Variants in ADK observed in about 807,000 individuals in gnomAD.
The protein encoded by ADK is N6,N6-dimethyladenosine kinase.
ADK carries 24 observed loss-of-function variants against 44.7 expected under a neutral mutation model. The ratio of observed to expected loss-of-function variants is 0.54; its 90% CI spans 0.39 to 0.76. ADK has a LOEUF of 0.76. Among genes scored for constraint, ADK ranks in the 30% least tolerant of loss-of-function variants. The pLI, the probability that ADK is intolerant of heterozygous loss-of-function variation, is 0.00. For synonymous variants in ADK, 128 were observed against 142.6 expected, an observed-to-expected ratio of 0.90 and a Z score of 0.73; for missense variants, 321 against 425.1, an observed-to-expected ratio of 0.76 and a Z score of 2.15.
At chr10:74,370,696 T>G (rs1159294638) in intron 4 of ADK, among the ~76,000 whole-genome samples, 1 of 151,962 alleles carries the variant, frequency 6.6e-6, no homozygotes, top group Admixed American at 6.6e-5. Context: ...TTAAAATATT[T>G]TATTATAAAT....
At position 74,619,454 on chromosome 10, in the gene ADK, C is replaced by CA. The variant is rs778661291; in HGVS notation, c.877+18975dup. On this transcript the variant is annotated intron_variant, in intron 9 of 10. Coordinates refer to ENST00000539909, the MANE Select transcript of ADK (RefSeq NM_006721.4). ...TGGGAGACAGAGCAAGTCTCTGTCT[C>CA]AAAAAAAAAAAAAATCTAGTGGATG... Among the ~76,000 whole-genome samples the CA allele has an allele frequency of 5.8e-3, 748 of 129,358 alleles. 17 individuals are homozygous for CA. Among genetic ancestry groups the CA allele is most frequent in the East Asian group, 0.036 (165 of 4,524 alleles). The allele number at this position is 129,358 out of a possible 152,430, so 84.9% of individuals were successfully genotyped here.
At chr10:74,261,789 C>G (rs1846045550) in intron 3 of ADK, among the ~76,000 whole-genome samples, 2 of 151,162 alleles carry the variant, frequency 1.3e-5, no homozygotes, top group Non-Finnish European at 2.9e-5. Flanking sequence ...TTAGAATCTC[C>G]TCTTTCCTCC....
chr10:74,586,170 G>A (rs1320782324), intron 7 of ADK, among the ~76,000 whole-genome samples: 1 of 152,200 alleles, frequency 6.6e-6, no homozygotes, highest in East Asian at 1.9e-4. Context: ...CTTCAGATCA[G>A]AGGTTAGCTG....
At chr10:74,557,693 A>C (rs1388590303) in intron 7 of ADK, among the ~76,000 whole-genome samples, 2 of 152,090 alleles carry the variant, frequency 1.3e-5, no homozygotes, top group East Asian at 3.9e-4. Context: ...TTAAGACCCA[A>C]CCTCCCTGCT....
Position 74,708,741 on chromosome 10 carries a change from G to A in ADK, c.*296G>A, listed in dbSNP as rs527621742. Reference sequence around the variant, plus strand: ...TCATTTTCAATTACTTTGTAAATTCGTGTGTATTTAGTACACTGATTTGTT... The same window carrying A: ...TCATTTTCAATTACTTTGTAAATTCATGTGTATTTAGTACACTGATTTGTT... On this transcript the variant is annotated 3_prime_UTR_variant, in exon 11 of 11. Coordinates refer to ENST00000539909, the MANE Select transcript of ADK (RefSeq NM_006721.4). The A allele has an allele frequency of 3.2e-5, 10 of 307,836 alleles. No homozygotes were observed. The highest frequency in any genetic ancestry group is 8.7e-5 in the African/African-American group (4 of 46,088). 19.1% of individuals were successfully genotyped at this position (307,836 alleles called of 1,614,324 possible). A position where few individuals can be genotyped will look rare whatever the true frequency, so the allele number is the denominator to read the frequency against.
At chr10:74,409,334 G>C (rs577662331) in intron 6 of ADK, among the ~76,000 whole-genome samples, 1 of 152,124 alleles carries the variant, frequency 6.6e-6, no homozygotes, top group Non-Finnish European at 1.5e-5. Context: ...GTATTAAAAA[G>C]ATTTTTAAGA....
At chr10:74,666,859 G>A (rs1854976591) in intron 9 of ADK, among the ~76,000 whole-genome samples, 1 of 131,880 alleles carries the variant, frequency 7.6e-6, no homozygotes, top group Admixed American at 8.5e-5. Context: ...TTGAGACTGA[G>A]TCTCACTGTT....
intron 7 of ADK, among the ~76,000 whole-genome samples, chr10:74,559,098 G>A (rs1396980031): frequency 2.0e-5 from 3 of 152,208 alleles, no homozygotes; most frequent in Non-Finnish European, 4.4e-5. Flanking sequence ...TCTCAGGCCT[G>A]CAGCCTCATG....
chr10:74,592,211 C>CTAATTTAAATGACAG (rs1224495366), intron 8 of ADK, among the ~76,000 whole-genome samples: 7 of 151,914 alleles, frequency 4.6e-5, no homozygotes, highest in African/African-American at 1.5e-4. Flanking sequence ...AATGACAGAC[C>CTAATTTAAATGACAG]TGCTAAGAAT....
chr10:74,665,172 G>A (rs907810479), intron 9 of ADK, among the ~76,000 whole-genome samples: 1 of 149,074 alleles, frequency 6.7e-6, no homozygotes, highest in Non-Finnish European at 1.5e-5. Context: ...GATAAATGTT[G>A]CATAGAAATT....
chr10:74,647,339 ATAGT>A (rs763035922), intron 9 of ADK, among the ~76,000 whole-genome samples: 25 of 152,096 alleles, frequency 1.6e-4, no homozygotes, highest in Non-Finnish European at 8.8e-5. Flanking sequence ...TCTTAATATG[ATAGT>A]TAATCTATTA....
intron 9 of ADK, chr10:74,661,344 T>C: frequency 1.1e-6 from 1 of 922,436 alleles, no homozygotes; most frequent in Non-Finnish European, 1.3e-6. Flanking sequence ...TTACTACTTC[T>C]CTTTCATTCA....
At chr10:74,694,146 CAT>C (rs1491522491) in intron 10 of ADK, among the ~76,000 whole-genome samples, 1 of 36,308 alleles carries the variant, frequency 2.8e-5, no homozygotes, top group Non-Finnish European at 5.0e-5. Flanking sequence ...TTTTCAAACA[CAT>C]TTTTTTTTTT....
chr10:74,396,947 A>T (rs1023483265), intron 5 of ADK, among the ~76,000 whole-genome samples: 3 of 151,960 alleles, frequency 2.0e-5, no homozygotes, highest in African/African-American at 7.2e-5. Context: ...AACAAGAACG[A>T]AACTTCATCT....
chr10:74,427,914 T>G (rs761804148), intron 6 of ADK, among the ~76,000 whole-genome samples: 4 of 152,148 alleles, frequency 2.6e-5, no homozygotes, highest in Non-Finnish European at 5.9e-5. Context: ...TCTTTCATAG[T>G]TCAGGCGGCC....
At chr10:74,396,232 C>T (rs1290781930) in intron 5 of ADK, among the ~76,000 whole-genome samples, 1 of 152,132 alleles carries the variant, frequency 6.6e-6, no homozygotes, top group Non-Finnish European at 1.5e-5. Flanking sequence ...TTTGCTGCCA[C>T]TATCAAAAAC....
At chr10:74,438,057 T>C (rs1347986098) in intron 6 of ADK, among the ~76,000 whole-genome samples, 1 of 152,172 alleles carries the variant, frequency 6.6e-6, no homozygotes, top group Non-Finnish European at 1.5e-5. Flanking sequence ...CTATCTAAAG[T>C]AGCTTTCCCT....
At chr10:74,670,946 C>T (rs1855148179) in intron 10 of ADK, among the ~76,000 whole-genome samples, 1 of 148,452 alleles carries the variant, frequency 6.7e-6, no homozygotes, top group African/African-American at 2.5e-5. Context: ...TTTATAGTCT[C>T]TAGAAAGCTT....
intron 1 of ADK, among the ~76,000 whole-genome samples, chr10:74,164,592 A>T (rs1222888060): frequency 6.6e-6 from 1 of 152,074 alleles, no homozygotes; most frequent in African/African-American, 2.4e-5. Context: ...TCTTCTCTAC[A>T]TAATACATTG....
Sources: allele counts gnomAD v4.1 joint callset (sites outside exome capture counted in the v4.1 genomes callset), GRCh38; gene constraint gnomAD v4.1.1; transcripts MANE v1.5; gene names NCBI Gene and HGNC (gene_info 2026-07-23, HGNC 2026-07-21).